The following TIAM2 variants were observed in gnomAD, a reference collection of about 807,000 sequenced individuals.
TIAM2 encodes TIAM Rac1 associated GEF 2, also known as rho guanine nucleotide exchange factor TIAM2.
Under a neutral mutation model 152.9 loss-of-function variants are expected in TIAM2, and 80 were observed. The ratio of observed to expected loss-of-function variants is 0.52; its 90% CI spans 0.44 to 0.63. The LOEUF is 0.63. Ranked by LOEUF, TIAM2 falls within the 30% of genes least tolerant of loss-of-function variation. The pLI is 0.00. For missense variants in TIAM2, 1,965 were observed against 2,120.1 expected (o/e 0.93, Z 1.44); for synonymous variants, 804 against 838.0 (o/e 0.96, Z 0.70).
chr6:155,185,123 CTTTTTT>C (rs11404301), intron 14 of TIAM2, among the ~76,000 whole-genome samples: 3 of 92,414 alleles, frequency 3.2e-5, no homozygotes, highest in African/African-American at 1.3e-4. Context: ...GCAAATTTAC[CTTTTTT>C]TTTTTTTTTT....
intron 1 of TIAM2, among the ~76,000 whole-genome samples, chr6:155,056,745 T>A (rs1777461426): frequency 6.6e-6 from 1 of 152,084 alleles, no homozygotes; most frequent in African/African-American, 2.4e-5. Flanking sequence ...CATCTTATAT[T>A]ATTATAGTAT....
intron 2 of TIAM2, among the ~76,000 whole-genome samples, chr6:155,103,616 C>T (rs989644677): frequency 4.1e-5 from 6 of 145,402 alleles, no homozygotes; most frequent in South Asian, 4.4e-4. Context: ...CCCAGCTACT[C>T]GGGAGGCTGA....
chr6:155,013,352 T>C (rs1329440187), intron 1 of TIAM2, among the ~76,000 whole-genome samples: 1 of 152,098 alleles, frequency 6.6e-6, no homozygotes, highest in African/African-American at 2.4e-5. Flanking sequence ...TTTTGTCTCT[T>C]TTGCTTTGGA....
At chr6:155,019,882 A>T (rs1776439663) in intron 1 of TIAM2, among the ~76,000 whole-genome samples, 1 of 152,190 alleles carries the variant, frequency 6.6e-6, no homozygotes, top group East Asian at 1.9e-4. Flanking sequence ...GTAAAACCCC[A>T]TCTCTACTAA....
intron 14 of TIAM2, among the ~76,000 whole-genome samples, chr6:155,209,180 TC>T (rs773647444): frequency 7.3e-5 from 11 of 151,422 alleles, no homozygotes; most frequent in African/African-American, 2.2e-4. Context: ...TCTCTCTGCC[TC>T]CCCCTCCCTC....
At chr6:155,031,045 T>C (rs1776812049) in intron 1 of TIAM2, among the ~76,000 whole-genome samples, 1 of 152,212 alleles carries the variant, frequency 6.6e-6, no homozygotes, top group Admixed American at 6.5e-5. Flanking sequence ...TTGTTGTGTG[T>C]GGCTAAGAGT....
chr6:155,249,953 G>A lies in TIAM2; in HGVS notation c.3935G>A (p.Ser1312Asn), dbSNP rs538539818. 1.4e-4 allele frequency: 218 copies of A among 1,613,462 alleles called. No individual in the cohort carries two copies. The highest frequency in any genetic ancestry group is 1.7e-4 in the Non-Finnish European group (205 of 1,179,772). ...TTTGACCAGCTAGTAGCTGAGCAGA[G>A]CGGAACAGAGAAGGAGGTCCGTGAG... is the stretch of plus-strand genomic sequence containing the variant. ...TVFDQLVAEQ[S>N]GTEKEVTELS... Residue 1312 changes from serine (S) to asparagine (N), a missense_variant, in exon 21 of 27, where the codon AGC becomes AAC. Coordinates refer to ENST00000682666, the MANE Select transcript of TIAM2 (RefSeq NM_012454.4).
At chr6:155,256,426 A>G in intron 26 of TIAM2, 58 bp from the exon 27 acceptor site, 2 of 1,609,166 alleles carry the variant, frequency 1.2e-6, no homozygotes, top group Non-Finnish European at 1.7e-6. Flanking sequence ...TGAGGCAAAC[A>G]TTACACATTG....
chr6:155,172,289 G>T (rs1043430071), intron 9 of TIAM2, among the ~76,000 whole-genome samples: 25 of 152,166 alleles, frequency 1.6e-4, no homozygotes, highest in African/African-American at 5.8e-4. Flanking sequence ...CAGAACAGTG[G>T]CCCAGGGCTT....
chr6:155,065,576 G>A (rs1235072951), intron 1 of TIAM2, among the ~76,000 whole-genome samples: 3 of 151,938 alleles, frequency 2.0e-5, no homozygotes, highest in African/African-American at 7.2e-5. Context: ...TCAGGAGTTC[G>A]AGACCAGCCT....
At chr6:155,254,223 T>C in intron 25 of TIAM2, 163 bp downstream of exon 25, 4 of 989,684 alleles carry the variant, frequency 4.0e-6, no homozygotes, top group South Asian at 1.7e-5. Context: ...ACTATGTTGA[T>C]TAAATAAATA....
At chr6:155,219,877 GA>G (rs58436776) in intron 15 of TIAM2, among the ~76,000 whole-genome samples, 2,782 of 145,884 alleles carry the variant, frequency 0.019, 78 homozygotes, top group African/African-American at 0.064. Flanking sequence ...GGAAAAACAG[GA>G]AAAAAAAAAA....
At chr6:155,209,327 A>G (rs1302362307) in intron 14 of TIAM2, among the ~76,000 whole-genome samples, 1 of 152,160 alleles carries the variant, frequency 6.6e-6, no homozygotes, top group East Asian at 1.9e-4. Flanking sequence ...ACGGGGAGAT[A>G]CACTTAGGCT....
chr6:155,162,807 G>C lies in TIAM2; in HGVS notation c.2029-1608G>C, dbSNP rs139390948. ...GTAGGCCACCACGTTGCTAATAGGG[G>C]TATACAGGATCTTGAGTGAGGTTAA... On this transcript the variant is annotated intron_variant, in intron 7 of 26. Transcript: ENST00000682666. Among the ~76,000 whole-genome samples the C allele has an allele frequency of 2.5e-3, 387 of 152,314 alleles. 1 individual carries two copies. The highest frequency in any genetic ancestry group is 4.3e-3 in the Admixed American group (65 of 15,294).
intron 9 of TIAM2, among the ~76,000 whole-genome samples, chr6:155,173,833 G>C (rs1202518869): frequency 3.9e-5 from 6 of 152,232 alleles, no homozygotes; most frequent in Admixed American, 3.9e-4. Context: ...TAAGTGAGAG[G>C]ACTTGAGGGC....
intron 14 of TIAM2, among the ~76,000 whole-genome samples, chr6:155,209,947 G>A (rs1055253072): frequency 6.6e-6 from 1 of 152,162 alleles, no homozygotes; most frequent in Non-Finnish European, 1.5e-5. Flanking sequence ...ATGCTGGGCA[G>A]TTTCTTTGTT....
intron 1 of TIAM2, among the ~76,000 whole-genome samples, chr6:155,044,083 A>G (rs1188588886): frequency 6.6e-6 from 1 of 152,188 alleles, no homozygotes; most frequent in African/African-American, 2.4e-5. Flanking sequence ...TTATATCCCT[A>G]TATATGTTCA....
intron 14 of TIAM2, among the ~76,000 whole-genome samples, chr6:155,203,170 T>C (rs544948641): frequency 1.2e-4 from 18 of 152,012 alleles, no homozygotes; most frequent in African/African-American, 3.6e-4. Context: ...TAATAGTGGG[T>C]GAAGCTTGAA....
intron 1 of TIAM2, among the ~76,000 whole-genome samples, chr6:155,003,341 G>A (rs534562632): frequency 6.6e-6 from 1 of 152,240 alleles, no homozygotes; most frequent in South Asian, 2.1e-4. Flanking sequence ...GGAGCCAGGT[G>A]TAGTGGTGCA....
Sources: gnomAD v4.1 joint callset for allele counts (sites outside exome capture counted in the v4.1 genomes callset) on GRCh38, gnomAD v4.1.1 for gene constraint, MANE v1.5 for transcripts, NCBI Gene and HGNC (gene_info 2026-07-23, HGNC 2026-07-21) for gene names.